UHMK1: variants seen among roughly 807,000 people sequenced by gnomAD.
The protein encoded by UHMK1 is U2AF homology motif kinase 1.
In UHMK1, 18 loss-of-function variants were observed where a neutral mutation model predicts 44.0. The ratio of observed to expected loss-of-function variants is 0.41; its 90% confidence interval spans 0.28 to 0.61. The LOEUF is 0.61. Among genes scored for constraint, UHMK1 ranks in the 20% least tolerant of loss-of-function variants. UHMK1 has a pLI of 0.31. For synonymous variants in UHMK1, 231 were observed against 198.5 expected (o/e 1.16, Z -1.38); for missense variants, 463 against 522.5 (o/e 0.89, Z 1.11).
At position 162,500,147 on chromosome 1, in the gene UHMK1, A is replaced by G; in HGVS notation, c.461A>G (p.Tyr154Cys). 2 of 1,614,218 alleles carry G rather than the reference A, an allele frequency of 1.2e-6. No individual in the cohort carries two copies. Among genetic ancestry groups the G allele is most frequent in the Non-Finnish European group, 1.7e-6 (2 of 1,180,044 alleles). The change falls in exon 2 of 8, where the codon TAT becomes TGT. Residue 154 changes from tyrosine (Y) to cysteine (C), a missense_variant. Coordinates refer to ENST00000489294, the MANE Select transcript of UHMK1 (RefSeq NM_175866.5). ...EALAFLHHEG[Y>C]VHADLKPRNI... Reference sequence around the variant, plus strand: ...CTTGCTTTTCTTCATCATGAGGGCTATGTCCATGCGGACCTCAAACCACGT... The same window carrying G: ...CTTGCTTTTCTTCATCATGAGGGCTGTGTCCATGCGGACCTCAAACCACGT...
Position 162,512,725 on chromosome 1 carries a change from C to T in UHMK1, c.926C>T (p.Ala309Val), listed in dbSNP as rs1258813133. 8 of 1,613,696 alleles carry T rather than the reference C, an allele frequency of 5.0e-6. No homozygotes were observed. Among genetic ancestry groups the T allele is most frequent in the Non-Finnish European group, 6.8e-6 (8 of 1,179,814 alleles). ...LCSPFFSIPFAPHIEDLVMLP... is the reference protein window; with the variant it reads ...LCSPFFSIPFVPHIEDLVMLP... ...ACCATATTATGATGAATTTTAACAGCCCCTCATATTGAAGATCTGGTCATG... is the reference window on the plus strand; with the variant it reads ...ACCATATTATGATGAATTTTAACAGTCCCTCATATTGAAGATCTGGTCATG... The change falls in exon 6 of 8, where the codon GCC becomes GTC. Residue 309 changes from alanine to valine, a missense_variant and splice_region_variant. Ala to Val is a moderately conservative substitution (Grantham distance 64). Coordinates refer to ENST00000489294, the MANE Select transcript of UHMK1 (RefSeq NM_175866.5).
chr1:162,498,231 G>C lies in UHMK1; in HGVS notation c.231G>C (p.Arg77Ser). The C allele has an allele frequency of 1.2e-6, 2 of 1,608,108 alleles. 1 individual carries two copies. ...SAAEYGFRKE[R>S]AALEQLQGHR... Reference sequence around the variant, plus strand: ...CCGAGTATGGTTTCCGCAAAGAGAGGGCGGCGCTGGAACAGTTGCAGGGTC... The same window carrying C: ...CCGAGTATGGTTTCCGCAAAGAGAGCGCGGCGCTGGAACAGTTGCAGGGTC... Residue 77 changes from arginine to serine, a missense_variant, in exon 1 of 8, where the codon AGG (arginine) becomes AGC (serine). Physicochemically the swap from Arg to Ser is moderately radical, Grantham distance 110. This residue lies in a region of UHMK1 where 191 missense variants were observed against 176.0 expected (regional missense o/e 1.09). Coordinates refer to ENST00000489294, the MANE Select transcript of UHMK1 (RefSeq NM_175866.5).
intron 4 of UHMK1, among the ~76,000 whole-genome samples, chr1:162,507,582 T>TTTC (rs1346539968): frequency 5.6e-5 from 3 of 53,404 alleles, no homozygotes; most frequent in African/African-American, 1.8e-4. Flanking sequence ...CCATTCTTTC[T>TTTC]TTTTTTTTTT....
intron 4 of UHMK1, among the ~76,000 whole-genome samples, chr1:162,505,240 T>A (rs1460230457): frequency 6.6e-6 from 1 of 152,208 alleles, no homozygotes; most frequent in African/African-American, 2.4e-5. Context: ...AATATCATTG[T>A]CTTCCACTTC....
rs1319710130 is a variant in UHMK1, at chr1:162,498,236, C to T, written c.236C>T (p.Ala79Val). 5 of 1,606,550 alleles carry T rather than the reference C, an allele frequency of 3.1e-6. No individual in the cohort carries two copies. Among genetic ancestry groups the T allele is most frequent in the Admixed American group, 1.7e-5 (1 of 59,242 alleles). ...AEYGFRKERAALEQLQGHRNI... is the reference protein window; with the variant it reads ...AEYGFRKERAVLEQLQGHRNI... ...TATGGTTTCCGCAAAGAGAGGGCGG[C>T]GCTGGAACAGTTGCAGGGTCACAGA... The change falls in exon 1 of 8, where the codon GCG becomes GTG. Residue 79 changes from alanine to valine, a missense_variant. This residue lies in a region of UHMK1 where 191 missense variants were observed against 176.0 expected (regional missense o/e 1.09). Coordinates refer to ENST00000489294, the MANE Select transcript of UHMK1 (RefSeq NM_175866.5).
At chr1:162,512,414 A>G (rs1204283924) in intron 4 of UHMK1, 86 bp from the exon 5 acceptor site, 4 of 1,028,936 alleles carry the variant, frequency 3.9e-6, no homozygotes, top group Non-Finnish European at 5.8e-6. Flanking sequence ...TGCTGTGATG[A>G]ACATTCAGAC....
At chr1:162,503,184 T>C (rs754303626) in intron 3 of UHMK1, among the ~76,000 whole-genome samples, 1 of 152,198 alleles carries the variant, frequency 6.6e-6, no homozygotes, top group South Asian at 2.1e-4. Context: ...TACATTCTTA[T>C]GTGGTTACTT....
chr1:162,507,340 G>A (rs1651503852), intron 4 of UHMK1, among the ~76,000 whole-genome samples: 1 of 152,002 alleles, frequency 6.6e-6, no homozygotes, highest in African/African-American at 2.4e-5. Context: ...GGCTGGTCTT[G>A]AACTCCTGAT....
At chr1:162,508,606 G>C (rs1301049776) in intron 4 of UHMK1, among the ~76,000 whole-genome samples, 1 of 151,724 alleles carries the variant, frequency 6.6e-6, no homozygotes, top group African/African-American at 2.4e-5. Flanking sequence ...GGAGGCTGAG[G>C]CAGGAGGATC....
intron 4 of UHMK1, among the ~76,000 whole-genome samples, chr1:162,504,308 A>G (rs1327567118): frequency 1.3e-5 from 2 of 152,240 alleles, no homozygotes; most frequent in African/African-American, 4.8e-5. Flanking sequence ...TCCGAAAACA[A>G]TAGATATTTT....
intron 2 of UHMK1, 67 bp downstream of exon 2, chr1:162,500,314 A>G: frequency 6.5e-7 from 1 of 1,526,980 alleles, no homozygotes; most frequent in East Asian, 2.3e-5. Flanking sequence ...ATATTTTTAA[A>G]TGACAAGGGT....
intron 6 of UHMK1, among the ~76,000 whole-genome samples, chr1:162,514,608 A>C (rs185850937): frequency 1.1e-4 from 16 of 152,330 alleles, no homozygotes; most frequent in Admixed American, 6.5e-5. Flanking sequence ...GTAGGAAGGA[A>C]GGAAAGAAGG....
chr1:162,521,081 A>G (rs1039055444), intron 7 of UHMK1, among the ~76,000 whole-genome samples: 13 of 152,214 alleles, frequency 8.5e-5, no homozygotes, highest in African/African-American at 3.1e-4. Flanking sequence ...GCTTTTGAAA[A>G]TGTCCATTAC....
In UHMK1 at chr1:162,526,204, T is replaced by C. The variant is rs942968417; in HGVS notation, c.*3654T>C. ...CTAACATTTGGGTATCTTTTTGTTTTAGGTCTTATTTTCTGACTGTTAGGC... is the reference window on the plus strand; with the variant it reads ...CTAACATTTGGGTATCTTTTTGTTTCAGGTCTTATTTTCTGACTGTTAGGC... On this transcript the variant is annotated 3_prime_UTR_variant, in exon 8 of 8. Transcript: ENST00000489294. 4 of 152,188 alleles carry C rather than the reference T, an allele frequency of 2.6e-5. No homozygotes were observed. The highest frequency in any genetic ancestry group is 9.7e-5 in the African/African-American group (4 of 41,448). 9.4% of individuals were successfully genotyped at this position (152,188 alleles called of 1,614,324 possible). A position where few individuals can be genotyped will look rare whatever the true frequency, so the allele number is the denominator to read the frequency against.
In UHMK1 at chr1:162,526,165, T is replaced by G. The variant is rs891838610; in HGVS notation, c.*3615T>G. On this transcript the variant is annotated 3_prime_UTR_variant, in exon 8 of 8. Transcript: ENST00000489294. ...GTTTCATGGCTTGTTTTAGTTAATTTATCATGCAGATAACTAACATTTGGG... is the reference window on the plus strand; with the variant it reads ...GTTTCATGGCTTGTTTTAGTTAATTGATCATGCAGATAACTAACATTTGGG... 5.9e-5 allele frequency: 9 copies of G among 152,178 alleles called. No homozygotes were observed. The highest frequency in any genetic ancestry group is 3.3e-4 in the Admixed American group (5 of 15,264). 9.4% of individuals were successfully genotyped at this position (152,178 alleles called of 1,614,324 possible). A position where few individuals can be genotyped will look rare whatever the true frequency, so the allele number is the denominator to read the frequency against.
In UHMK1 at chr1:162,527,118, C is replaced by A. The variant is rs1182758479; in HGVS notation, c.*4568C>A. ...AGTCCCATTCTTAATCACAGAAGAA[C>A]ATGGATATTTTAGTTTTTGGAGTAC... On this transcript the variant is annotated 3_prime_UTR_variant, in exon 8 of 8. Coordinates refer to ENST00000489294, the MANE Select transcript of UHMK1 (RefSeq NM_175866.5). The A allele has an allele frequency of 6.6e-6, 1 of 152,062 alleles. No homozygotes were observed. The highest frequency in any genetic ancestry group is 6.6e-5 in the Admixed American group (1 of 15,264). The allele number at this position is 152,062 out of a possible 1,614,324, so 9.4% of individuals were successfully genotyped here. A position where few individuals can be genotyped will look rare whatever the true frequency, so the allele number is the denominator to read the frequency against.
chr1:162,514,798 A>G (rs1651780183), intron 6 of UHMK1, among the ~76,000 whole-genome samples: 1 of 152,228 alleles, frequency 6.6e-6, no homozygotes, highest in Non-Finnish European at 1.5e-5. Flanking sequence ...TTGGGGATTC[A>G]TTTTGGACAA....
At chr1:162,511,189 C>CTTTTTTTTTTTTTTTTTTTTTTT (rs142796500) in intron 4 of UHMK1, among the ~76,000 whole-genome samples, 14 of 101,006 alleles carry the variant, frequency 1.4e-4, no homozygotes, top group Non-Finnish European at 2.1e-4. Context: ...TTTTCTTTTT[C>CTTTTTTTTTTTTTTTTTTTTTTT]TTTTTTTTTT....
At chr1:162,517,675 A>G in intron 6 of UHMK1, among the ~76,000 whole-genome samples, 1 of 152,044 alleles carries the variant, frequency 6.6e-6, no homozygotes, top group South Asian at 2.1e-4. Flanking sequence ...TCACAAAACC[A>G]GGAGTTCGAG....
Sources: allele counts gnomAD v4.1 joint callset (sites outside exome capture counted in the v4.1 genomes callset), GRCh38; gene constraint gnomAD v4.1.1; regional missense constraint gnomAD v4.1.1; transcripts MANE v1.5; gene names NCBI Gene and HGNC (gene_info 2026-07-23, HGNC 2026-07-21).